The following FRK variants were observed in gnomAD, a reference collection of about 807,000 sequenced individuals.
The protein encoded by FRK is fyn related Src family tyrosine kinase.
A neutral mutation model predicts 56.4 loss-of-function variants in FRK; 51 were observed. That is an observed-to-expected ratio of 0.90 (90% CI 0.72 to 1.14). The LOEUF (loss-of-function observed/expected upper bound fraction) is 1.14. Ranked by LOEUF, FRK falls within the 50% of genes most tolerant of loss-of-function variation. The pLI is 0.00. For synonymous variants in FRK, 245 were observed against 217.9 expected, an observed-to-expected ratio of 1.12 and a Z score of -1.10; for missense variants, 570 against 601.4, an observed-to-expected ratio of 0.95 and a Z score of 0.55.
At chr6:116,084,218 A>G in the FRK span, among the ~76,000 whole-genome samples, 1 of 152,228 alleles carries the variant, frequency 6.6e-6, no homozygotes, top group African/African-American at 2.4e-5. Context: ...GACAATAAAA[A>G]GAGTCAAACT....
In FRK at chr6:116,056,454, A is replaced by G. The variant is rs554068299; in HGVS notation, c.344+3514T>C. ...TCAGCCTGTTCTTGAACTCCTGGAC[A>G]CAGGTGATCCTCCCTAAGCAAAAAA... On this transcript the variant is annotated intron_variant, in intron 1 of 7. Transcript: ENST00000606080. 2.4e-3 allele frequency among the ~76,000 whole-genome samples: 362 copies of G among 152,226 alleles called. 3 individuals carry two copies. The highest frequency in any genetic ancestry group is 7.4e-3 in the African/African-American group (306 of 41,548).
At position 116,037,849 on chromosome 6, in the gene FRK, C is replaced by A. The variant is rs138246757; in HGVS notation, c.344+22119G>T. 2.5e-3 allele frequency among the ~76,000 whole-genome samples: 378 copies of A among 152,166 alleles called. 6 individuals are homozygous for A. The highest frequency in any genetic ancestry group is 0.023 in the Admixed American group (352 of 15,278). On this transcript the variant is annotated intron_variant, in intron 1 of 7. Coordinates refer to ENST00000606080, the MANE Select transcript of FRK (RefSeq NM_002031.3). The stretch of plus-strand genomic sequence containing the variant: ...ATTGTTTTCTCTACACCTCATATTT[C>A]TCCTCTACTGCACCTGGGTCTCATT...
intron 6 of FRK, 43 bp from the exon 7 acceptor site, chr6:115,943,228 T>A: frequency 6.7e-7 from 1 of 1,485,066 alleles, no homozygotes; most frequent in Non-Finnish European, 9.0e-7. Flanking sequence ...AAGCAATTTT[T>A]TTTTTTTTGC....
chr6:116,042,820 T>C (rs1776773888), intron 1 of FRK, among the ~76,000 whole-genome samples: 1 of 152,132 alleles, frequency 6.6e-6, no homozygotes, highest in Non-Finnish European at 1.5e-5. Flanking sequence ...GACTCATTGA[T>C]GTGCTGTATT....
At chr6:115,952,838 C>T (rs537981002) in intron 5 of FRK, among the ~76,000 whole-genome samples, 23 of 148,460 alleles carry the variant, frequency 1.5e-4, no homozygotes, top group African/African-American at 3.7e-4. Flanking sequence ...AACCAAACAC[C>T]GCATGTTCTT....
chr6:115,990,022 A>C (rs965185369), intron 2 of FRK, among the ~76,000 whole-genome samples: 4 of 151,618 alleles, frequency 2.6e-5, no homozygotes, highest in African/African-American at 9.7e-5. Context: ...TTTAATTTTC[A>C]CTTCTCTGAG....
rs1772033994 is a variant in FRK, at chr6:115,935,846, G to A, written c.*6568C>T. ...GCAACTCTAAAAAAAAGGCAGTCAG[G>A]GACTAATAGATAAAACCCCATCTCC... On this transcript the variant is annotated 3_prime_UTR_variant, in exon 8 of 8. Coordinates refer to ENST00000606080, the MANE Select transcript of FRK (RefSeq NM_002031.3). 6.6e-6 allele frequency: 1 copy of A among 152,238 alleles called. No individual in the cohort carries two copies. The highest frequency in any genetic ancestry group is 2.4e-5 in the African/African-American group (1 of 41,432). 9.4% of individuals were successfully genotyped at this position (152,238 alleles called of 1,614,324 possible).
the FRK span, among the ~76,000 whole-genome samples, chr6:116,079,404 G>GTT: frequency 8.5e-3 from 1,214 of 142,130 alleles, 14 homozygotes; most frequent in African/African-American, 0.028. Flanking sequence ...TGGGTTTTTT[G>GTT]TTTTTTTTTT....
At chr6:116,058,398 G>A (rs1243634658) in intron 1 of FRK, among the ~76,000 whole-genome samples, 1 of 152,002 alleles carries the variant, frequency 6.6e-6, no homozygotes, top group Admixed American at 6.5e-5. Flanking sequence ...ACATTTATAG[G>A]TTCTTGGTGT....
chr6:115,992,124 A>T (rs1287359973), intron 2 of FRK, among the ~76,000 whole-genome samples: 2 of 151,674 alleles, frequency 1.3e-5, no homozygotes, highest in African/African-American at 4.8e-5. Flanking sequence ...TCAAAGAAAT[A>T]ACTTTTTCAT....
the FRK span, among the ~76,000 whole-genome samples, chr6:116,094,655 A>G: frequency 3.7e-4 from 56 of 152,394 alleles, no homozygotes; most frequent in Middle Eastern, 6.8e-3. Context: ...GCAGTCTTAC[A>G]CTACCAAAGC....
chr6:116,050,949 G>C (rs1485835053), intron 1 of FRK, among the ~76,000 whole-genome samples: 1 of 152,088 alleles, frequency 6.6e-6, no homozygotes, highest in Non-Finnish European at 1.5e-5. Flanking sequence ...GAAGTTGCAG[G>C]GTGGTGTCTT....
intron 2 of FRK, among the ~76,000 whole-genome samples, chr6:115,969,363 A>G (rs1473647502): frequency 6.6e-6 from 1 of 152,184 alleles, no homozygotes; most frequent in Non-Finnish European, 1.5e-5. Flanking sequence ...GCAACGTTCT[A>G]GCAGTATTGC....
chr6:115,979,144 G>T (rs67241042), intron 2 of FRK, among the ~76,000 whole-genome samples: 15,314 of 152,052 alleles, frequency 0.1, 904 homozygotes, highest in South Asian at 0.15. Flanking sequence ...CCTCAGGCAG[G>T]TTCTTCAGGA....
chr6:115,944,211 T>G, intron 6 of FRK, 33 bp downstream of exon 6: 1 of 1,563,134 alleles, frequency 6.4e-7, no homozygotes, highest in Non-Finnish European at 8.7e-7. Flanking sequence ...TTTGACCTAT[T>G]ACAAAAACTA....
intron 1 of FRK, among the ~76,000 whole-genome samples, chr6:116,013,059 G>T (rs186727292): frequency 1.3e-5 from 2 of 152,126 alleles, no homozygotes; most frequent in South Asian, 4.1e-4. Context: ...TGGGTCATTT[G>T]ATAAAGCTTT....
chr6:116,090,994 T>C, the FRK span, among the ~76,000 whole-genome samples: 5 of 152,240 alleles, frequency 3.3e-5, no homozygotes, highest in Non-Finnish European at 7.3e-5. Flanking sequence ...TTTAAAATTG[T>C]AATCCTGCCA....
intron 1 of FRK, among the ~76,000 whole-genome samples, chr6:116,020,537 A>G (rs999355926): frequency 6.6e-6 from 1 of 152,010 alleles, no homozygotes; most frequent in Non-Finnish European, 1.5e-5. Context: ...TGATCCACCC[A>G]CCTCAGCTTC....
intron 2 of FRK, among the ~76,000 whole-genome samples, chr6:115,998,597 C>T (rs1425735050): frequency 6.6e-6 from 1 of 152,126 alleles, no homozygotes; most frequent in African/African-American, 2.4e-5. Flanking sequence ...AAATTGATAC[C>T]TTCCCTGACT....
Sources: gnomAD v4.1 joint callset for allele counts (sites outside exome capture counted in the v4.1 genomes callset) on GRCh38, gnomAD v4.1.1 for gene constraint, MANE v1.5 for transcripts, NCBI Gene and HGNC (gene_info 2026-07-23, HGNC 2026-07-21) for gene names.